Variants in STARD13 observed in about 807,000 individuals in gnomAD.
The protein encoded by STARD13 is stAR-related lipid transfer protein 13.
Under a neutral mutation model 106.4 loss-of-function variants are expected in STARD13, and 62 were observed. The observed-to-expected ratio is 0.58, with a 90% CI of 0.48 to 0.72. STARD13 has a LOEUF of 0.72. Among genes scored for constraint, STARD13 ranks in the 30% least tolerant of loss-of-function variants. STARD13 has a pLI of 0.00. For synonymous variants in STARD13, 565 were observed against 553.0 expected, an observed-to-expected ratio of 1.02 and a Z score of -0.31; for missense variants, 1,387 against 1,424.0, an observed-to-expected ratio of 0.97 and a Z score of 0.42.
In STARD13 at chr13:33,285,561, C is replaced by T; in HGVS notation, c.78G>A (p.Met26Ile). 6.2e-7 allele frequency: 1 copy of T among 1,613,978 alleles called. No homozygotes were observed. The highest frequency in any genetic ancestry group is 2.2e-5 in the East Asian group (1 of 44,856). The change falls in exon 1 of 14, where the codon ATG becomes ATA. Residue 26 changes from methionine (M) to isoleucine (I), a missense_variant. By Grantham distance (10) the Met-to-Ile change is conservative (BLOSUM62 1). Transcript: ENST00000336934. ...TTGTAGTCTGATCAAATCGCAAGTA[C>T]ATCTCCTGGCCCTCAGGTGTCATGG... Reference protein sequence around the residue: ...LNSMTPEGQEMYLRFDQTTRR... With the variant: ...LNSMTPEGQEIYLRFDQTTRR...
intron 1 of STARD13, among the ~76,000 whole-genome samples, chr13:33,298,640 T>A (rs1033416529): frequency 5.3e-5 from 8 of 152,152 alleles, no homozygotes; most frequent in Admixed American, 5.2e-4. Context: ...TATGCACACA[T>A]ACACACACGC....
At chr13:33,478,138 A>G in the STARD13 span, among the ~76,000 whole-genome samples, 2,188 of 152,156 alleles carry the variant, frequency 0.014, 58 homozygotes, top group African/African-American at 0.047. Context: ...TAAACTCCCA[A>G]TTTTAGTTGG....
chr13:33,351,652 A>C (rs1205233887), upstream of STARD13, among the ~76,000 whole-genome samples: 1 of 152,200 alleles, frequency 6.6e-6, no homozygotes, highest in Non-Finnish European at 1.5e-5. Context: ...GAGGGGAACA[A>C]ATTTTTCAAA....
At chr13:33,201,817 A>G (rs931359697) in intron 1 of STARD13, among the ~76,000 whole-genome samples, 1 of 152,214 alleles carries the variant, frequency 6.6e-6, no homozygotes, top group African/African-American at 2.4e-5. Context: ...TGTTCCAAGT[A>G]TATCCTTGAT....
chr13:33,166,866 C>T (rs1466672365), intron 2 of STARD13, among the ~76,000 whole-genome samples: 7 of 151,542 alleles, frequency 4.6e-5, no homozygotes, highest in Admixed American at 4.6e-4. Context: ...GTGGTGGTGC[C>T]CGCCTGTAAT....
the STARD13 span, among the ~76,000 whole-genome samples, chr13:33,428,213 C>A: frequency 4.6e-5 from 7 of 152,216 alleles, no homozygotes; most frequent in African/African-American, 1.7e-4. Context: ...AGACCCAAAA[C>A]AACAAAACTG....
chr13:33,241,675 G>C (rs1178065218), intron 1 of STARD13, among the ~76,000 whole-genome samples: 4 of 151,878 alleles, frequency 2.6e-5, no homozygotes, highest in Non-Finnish European at 5.9e-5. Flanking sequence ...CCAATGCCTG[G>C]GATTGCAGGC....
the STARD13 span, among the ~76,000 whole-genome samples, chr13:33,663,539 A>G: frequency 6.6e-6 from 1 of 152,228 alleles, no homozygotes; most frequent in African/African-American, 2.4e-5. Context: ...TATTTAGCTA[A>G]TAAGAGTAGT....
intron 1 of STARD13, among the ~76,000 whole-genome samples, chr13:33,325,792 A>G (rs2077767313): frequency 6.6e-6 from 1 of 152,002 alleles, no homozygotes; most frequent in African/African-American, 2.4e-5. Context: ...CAGGAGATCG[A>G]GACCATCCTG....
At chr13:33,209,953 T>C (rs970555553) in intron 1 of STARD13, among the ~76,000 whole-genome samples, 5 of 152,164 alleles carry the variant, frequency 3.3e-5, no homozygotes, top group Non-Finnish European at 7.3e-5. Context: ...AGTCCAGTGA[T>C]AGACCAAGAT....
the STARD13 span, among the ~76,000 whole-genome samples, chr13:33,534,833 A>G: frequency 6.6e-6 from 1 of 152,238 alleles, no homozygotes; most frequent in African/African-American, 2.4e-5. Flanking sequence ...TGACAAATGA[A>G]ACACTAACCC....
the STARD13 span, among the ~76,000 whole-genome samples, chr13:33,427,258 C>A: frequency 2.0e-5 from 3 of 152,174 alleles, no homozygotes; most frequent in Non-Finnish European, 4.4e-5. Context: ...GGGACCTAGA[C>A]TCAAACTCAG....
At chr13:33,234,895 C>T (rs1889109040) in intron 1 of STARD13, among the ~76,000 whole-genome samples, 1 of 152,184 alleles carries the variant, frequency 6.6e-6, no homozygotes. Context: ...TCCAGTTCTT[C>T]TGCTATAGAA....
intron 1 of STARD13, among the ~76,000 whole-genome samples, chr13:33,307,935 C>T (rs1356894162): frequency 6.6e-6 from 1 of 152,158 alleles, no homozygotes; most frequent in East Asian, 1.9e-4. Context: ...ATTGTGGTTT[C>T]CTTACTAGTC....
the STARD13 span, among the ~76,000 whole-genome samples, chr13:33,590,186 A>G: frequency 1.3e-5 from 2 of 152,180 alleles, no homozygotes; most frequent in African/African-American, 4.8e-5. Flanking sequence ...GATCATTAAA[A>G]AGTCAGGAAA....
intron 1 of STARD13, among the ~76,000 whole-genome samples, chr13:33,252,422 T>G (rs1289087601): frequency 6.6e-6 from 1 of 152,214 alleles, no homozygotes; most frequent in East Asian, 1.9e-4. Context: ...CTAACCACAG[T>G]GAGTGACGGA....
At chr13:33,286,130 T>C (rs1892050471), upstream of STARD13, among the ~76,000 whole-genome samples, 2 of 152,058 alleles carry the variant, frequency 1.3e-5, no homozygotes, top group African/African-American at 2.4e-5. Flanking sequence ...AGGTAAAAGA[T>C]GGACCTGATA....
the STARD13 span, among the ~76,000 whole-genome samples, chr13:33,385,126 AAT>A: frequency 0.01 from 1,346 of 129,768 alleles, 25 homozygotes; most frequent in African/African-American, 0.031. Context: ...AAAGGTTCGG[AAT>A]ATATATATAT....
chr13:33,197,323 T>A (rs1186068878), intron 1 of STARD13, among the ~76,000 whole-genome samples: 1 of 152,106 alleles, frequency 6.6e-6, no homozygotes, highest in African/African-American at 2.4e-5. Context: ...GGTTGAAAAC[T>A]CAGTTCTATA....
Sources: allele counts gnomAD v4.1 joint callset (sites outside exome capture counted in the v4.1 genomes callset), GRCh38; gene constraint gnomAD v4.1.1; transcripts MANE v1.5; gene names NCBI Gene and HGNC (gene_info 2026-07-23, HGNC 2026-07-21).